AZIN1: variants seen among roughly 807,000 people sequenced by gnomAD.
AZIN1 encodes antizyme inhibitor 1, also known as ornithine decarboxylase antizyme inhibitor.
Under a neutral mutation model 47.4 loss-of-function variants are expected in AZIN1, and 12 were observed. The observed-to-expected ratio is 0.25, with a 90% CI of 0.16 to 0.41. AZIN1 has a LOEUF of 0.41. Among genes scored for constraint, AZIN1 ranks in the 10% least tolerant of loss-of-function variants. The pLI, the probability that AZIN1 is intolerant of heterozygous loss-of-function variation, is 1.00. For missense variants in AZIN1, 410 were observed against 532.4 expected (o/e 0.77, Z 2.26); for synonymous variants, 155 against 176.3 (o/e 0.88, Z 0.96).
At chr8:102,829,244 C>T (rs1333999060) in intron 11 of AZIN1, 28 bp downstream of exon 11, 3 of 1,570,572 alleles carry the variant, frequency 1.9e-6, no homozygotes, top group East Asian at 4.5e-5. Flanking sequence ...TCAAATATCC[C>T]ATCTGCCTTA....
chr8:102,844,368 A>T (rs1373936491), intron 2 of AZIN1, among the ~76,000 whole-genome samples: 6 of 152,048 alleles, frequency 3.9e-5, no homozygotes, highest in Non-Finnish European at 1.5e-5. Flanking sequence ...AAATTCCCAA[A>T]TAGGTGAAAG....
intron 3 of AZIN1, among the ~76,000 whole-genome samples, chr8:102,840,910 A>G (rs1563537708): frequency 6.6e-6 from 1 of 152,254 alleles, no homozygotes; most frequent in Non-Finnish European, 1.5e-5. Context: ...CTCCCAAGAT[A>G]TGATATCTAT....
intron 3 of AZIN1, among the ~76,000 whole-genome samples, chr8:102,841,311 G>A (rs543733226): frequency 6.6e-6 from 1 of 152,308 alleles, no homozygotes; most frequent in East Asian, 1.9e-4. Flanking sequence ...AGAGAACACA[G>A]AAGTGTCACC....
chr8:102,851,007 A>G (rs1452858731), intron 2 of AZIN1, among the ~76,000 whole-genome samples: 1 of 152,218 alleles, frequency 6.6e-6, no homozygotes, highest in Non-Finnish European at 1.5e-5. Flanking sequence ...TCACAGCAAT[A>G]TTATTTTTGC....
In AZIN1 at chr8:102,827,632, A is replaced by T. The variant is rs1811184046; in HGVS notation, c.*935T>A. On this transcript the variant is annotated 3_prime_UTR_variant, in exon 12 of 12. Coordinates refer to ENST00000337198, the MANE Select transcript of AZIN1 (RefSeq NM_148174.4). Reference sequence around the variant, plus strand: ...CCCCCAAGTTTATTCAAAGTATTTAACAGAATCTTCCATTTCAGCCAAAAG... The same window carrying T: ...CCCCCAAGTTTATTCAAAGTATTTATCAGAATCTTCCATTTCAGCCAAAAG... 1 of 152,540 alleles carries T rather than the reference A, an allele frequency of 6.6e-6. No individual in the cohort carries two copies. Among genetic ancestry groups the T allele is most frequent in the Non-Finnish European group, 1.5e-5 (1 of 68,034 alleles). 9.4% of individuals were successfully genotyped at this position (152,540 alleles called of 1,614,324 possible).
Position 102,839,832 on chromosome 8 carries a change from G to A in AZIN1, c.103-9C>T. 3.2e-6 allele frequency: 5 copies of A among 1,540,638 alleles called. No individual in the cohort carries two copies. Among genetic ancestry groups the A allele is most frequent in the Non-Finnish European group, 4.4e-6 (5 of 1,143,572 alleles). ...AATGCATTTTTCCCTGTCTATTATGGTTATAAAAAAAAAGACAAATATGAA... is the reference window on the plus strand; with the variant it reads ...AATGCATTTTTCCCTGTCTATTATGATTATAAAAAAAAAGACAAATATGAA... On this transcript the variant is annotated splice_polypyrimidine_tract_variant and intron_variant, in intron 3 of 11. Coordinates refer to ENST00000337198, the MANE Select transcript of AZIN1 (RefSeq NM_148174.4).
At chr8:102,858,406 A>T (rs1377733670) in intron 1 of AZIN1, among the ~76,000 whole-genome samples, 1 of 152,200 alleles carries the variant, frequency 6.6e-6, no homozygotes, top group Non-Finnish European at 1.5e-5. Flanking sequence ...CTGCCTACTC[A>T]AGAGTTACCA....
In AZIN1 at chr8:102,826,380, T is replaced by C. The variant is rs1811112985; in HGVS notation, c.*2187A>G. ...CATGAGGAATAAAAACATTTATCTA[T>C]GTATTCAGAATCACACACAAGTTAC... On this transcript the variant is annotated 3_prime_UTR_variant, in exon 12 of 12. Coordinates refer to ENST00000337198, the MANE Select transcript of AZIN1 (RefSeq NM_148174.4). 1 of 152,676 alleles carries C rather than the reference T, an allele frequency of 6.5e-6. No individual in the cohort carries two copies. The highest frequency in any genetic ancestry group is 1.5e-5 in the Non-Finnish European group (1 of 68,040). The allele number at this position is 152,676 out of a possible 1,614,324, so 9.5% of individuals were successfully genotyped here. A position where few individuals can be genotyped will look rare whatever the true frequency, so the allele number is the denominator to read the frequency against.
intron 1 of AZIN1, among the ~76,000 whole-genome samples, chr8:102,861,884 C>T (rs1318350968): frequency 1.3e-5 from 2 of 151,902 alleles, no homozygotes; most frequent in African/African-American, 4.8e-5. Context: ...ACTAAAAATA[C>T]AAAAATTAGC....
In AZIN1 at chr8:102,826,874, A is replaced by G. The variant is rs1273859513; in HGVS notation, c.*1693T>C. The G allele has an allele frequency of 2.0e-5, 3 of 152,600 alleles. No individual in the cohort carries two copies. Among genetic ancestry groups the G allele is most frequent in the Admixed American group, 1.3e-4 (2 of 15,272 alleles). The allele number at this position is 152,600 out of a possible 1,614,324, so 9.5% of individuals were successfully genotyped here. On this transcript the variant is annotated 3_prime_UTR_variant, in exon 12 of 12. Transcript: ENST00000337198. ...TTGGAATTTTGCATAAAACCCCATA[A>G]TATACCTTGGAAAAGTCCAAGGGCA...
At chr8:102,851,478 C>G (rs1812914598) in intron 2 of AZIN1, among the ~76,000 whole-genome samples, 2 of 152,102 alleles carry the variant, frequency 1.3e-5, no homozygotes, top group Non-Finnish European at 2.9e-5. Flanking sequence ...GAGGCTGACG[C>G]AGGTGGATCA....
At chr8:102,851,662 C>T (rs1027300823) in intron 2 of AZIN1, among the ~76,000 whole-genome samples, 2 of 151,966 alleles carry the variant, frequency 1.3e-5, no homozygotes, top group East Asian at 1.9e-4. Flanking sequence ...GCCAAGATCA[C>T]GCCACTGCCC....
chr8:102,830,522 T>A (rs1220192363), intron 9 of AZIN1, among the ~76,000 whole-genome samples: 1 of 150,642 alleles, frequency 6.6e-6, no homozygotes, highest in African/African-American at 2.4e-5. Context: ...TCTTTTCAAA[T>A]CAGCAAGGGG....
chr8:102,858,224 C>T (rs1813411501), intron 1 of AZIN1, 74 bp from the exon 2 acceptor site: 1 of 397,506 alleles, frequency 2.5e-6, no homozygotes, highest in Non-Finnish European at 4.4e-6. Context: ...TAAACATGAA[C>T]TGTAGAATAC....
Position 102,834,273 on chromosome 8 carries a change from G to GAA in AZIN1, c.667-12_667-11dup. On this transcript the variant is annotated splice_polypyrimidine_tract_variant and intron_variant, in intron 7 of 11. Coordinates refer to ENST00000337198, the MANE Select transcript of AZIN1 (RefSeq NM_148174.4). Reference sequence around the variant, plus strand: ...TAAAGCCAATTTCTCCCTAGAGATGGAAAAAAAAAATTTAAATGTTTTTCC... The same window carrying GAA: ...TAAAGCCAATTTCTCCCTAGAGATGGAAAAAAAAAAAATTTAAATGTTTTTCC... 6.5e-7 allele frequency: 1 copy of GAA among 1,544,460 alleles called. No homozygotes were observed.
chr8:102,835,757 T>C (rs1586163459), intron 6 of AZIN1, among the ~76,000 whole-genome samples: 1 of 152,200 alleles, frequency 6.6e-6, no homozygotes, highest in East Asian at 1.9e-4. Context: ...GCAAATAACA[T>C]CTAGGGCTTA....
rs1204209199 is a variant in AZIN1 at position 102,831,164 on chromosome 8, T to C, written c.905-1228A>G. Among the ~76,000 whole-genome samples the C allele has an allele frequency of 1.4e-4, 21 of 151,942 alleles. 1 individual carries two copies. The stretch of plus-strand genomic sequence containing the variant: ...TCTTGATATACCAAAAAATAACGAA[T>C]TGCTCTGAGAATAATGGAGACATGT... On this transcript the variant is annotated intron_variant, in intron 9 of 11. Transcript: ENST00000337198.
chr8:102,838,663 G>C, intron 5 of AZIN1, 81 bp downstream of exon 5: 1 of 1,155,294 alleles, frequency 8.7e-7, no homozygotes, highest in Non-Finnish European at 1.2e-6. Context: ...TACCACAAAT[G>C]CTCCTTTCTT....
intron 2 of AZIN1, among the ~76,000 whole-genome samples, chr8:102,844,990 A>AT (rs1812474757): frequency 6.6e-6 from 1 of 152,232 alleles, no homozygotes; most frequent in Non-Finnish European, 1.5e-5. Context: ...CATAAATGAG[A>AT]TAAAACAGGT....
Sources: allele counts gnomAD v4.1 joint callset (sites outside exome capture counted in the v4.1 genomes callset), GRCh38; gene constraint gnomAD v4.1.1; transcripts MANE v1.5; gene names NCBI Gene and HGNC (gene_info 2026-07-23, HGNC 2026-07-21).